The following ASAP3 variants were observed in gnomAD, a reference collection of about 807,000 sequenced individuals.
The protein encoded by ASAP3 is arf-GAP with SH3 domain, ANK repeat and PH domain-containing protein 3.
ASAP3 carries 85 observed loss-of-function variants against 118.2 expected under a neutral mutation model. The ratio of observed to expected loss-of-function variants is 0.72; its 90% CI spans 0.60 to 0.86. The LOEUF is 0.86. Ranked by LOEUF, ASAP3 falls within the 40% of genes least tolerant of loss-of-function variation. The probability of loss-of-function intolerance (pLI) is 0.00; values close to 1 mark genes in which losing one functional copy is unlikely to be tolerated. For missense variants in ASAP3, 1,026 were observed against 1,175.0 expected, an observed-to-expected ratio of 0.87 and a Z score of 1.85; for synonymous variants, 432 against 477.4, an observed-to-expected ratio of 0.90 and a Z score of 1.24.
rs1427117384 is a variant in ASAP3 at position 23,436,799 on chromosome 1, G to A, written c.1476+112C>T. 6.6e-7 allele frequency: 1 copy of A among 1,520,250 alleles called. No individual in the cohort carries two copies. Among genetic ancestry groups the A allele is most frequent in the Non-Finnish European group, 8.9e-7 (1 of 1,125,754 alleles). 94.2% of individuals were successfully genotyped at this position (1,520,250 alleles called of 1,614,324 possible). The stretch of plus-strand genomic sequence containing the variant: ...CCCCTGACCACCCGCTACCTGGCTT[G>A]TCCCAGCCCACCTCGGCCAGGTCCC... On this transcript the variant is annotated intron_variant, in intron 15 of 24. Coordinates refer to ENST00000336689, the MANE Select transcript of ASAP3 (RefSeq NM_017707.4). The surrounding 1 kb of genome is among the most constrained non-coding windows in gnomAD (Gnocchi z 4.2).
intron 3 of ASAP3, among the ~76,000 whole-genome samples, chr1:23,455,041 C>A (rs1426629066): frequency 2.6e-5 from 4 of 152,210 alleles, no homozygotes; most frequent in Non-Finnish European, 5.9e-5. Flanking sequence ...GGTCCAGTGC[C>A]ATGGAGCCTG....
intron 1 of ASAP3, among the ~76,000 whole-genome samples, chr1:23,464,691 A>G (rs1271203740): frequency 1.8e-5 from 2 of 113,930 alleles, no homozygotes; most frequent in Non-Finnish European, 3.8e-5. Flanking sequence ...AAAAAAAAAA[A>G]AAATCAGCTT....
chr1:23,444,999 T>C (rs1321934442), intron 5 of ASAP3, among the ~76,000 whole-genome samples: 2 of 151,238 alleles, frequency 1.3e-5, no homozygotes, highest in Admixed American at 6.6e-5. Context: ...GAGGGGGTTA[T>C]TTTTTATTTC....
At chr1:23,460,125 G>A (rs1416001153) in intron 1 of ASAP3, among the ~76,000 whole-genome samples, 1 of 152,144 alleles carries the variant, frequency 6.6e-6, no homozygotes, top group Non-Finnish European at 1.5e-5. Context: ...CAATAAAGTG[G>A]CTTTAAAAAA....
Position 23,433,498 on chromosome 1 carries a change from G to A in ASAP3, c.2054C>T (p.Pro685Leu), listed in dbSNP as rs1293453218. 1 of 1,614,220 alleles carries A rather than the reference G, an allele frequency of 6.2e-7. No homozygotes were observed. ...EQAQAGTFAFPLHVDYSWVIS... is the reference protein window; with the variant it reads ...EQAQAGTFAFLLHVDYSWVIS... ...TACCCAGGAGTAGTCCACATGTAGA[G>A]GGAAGGCAAAGGTCCCCGCCTGGGC... is the stretch of plus-strand genomic sequence containing the variant. The change falls in exon 21 of 25, where the codon CCT becomes CTT. Residue 685 changes from proline (P) to leucine (L), a missense_variant. Coordinates refer to ENST00000336689, the MANE Select transcript of ASAP3 (RefSeq NM_017707.4).
rs1640691008 is a variant in ASAP3, at chr1:23,437,029, C to T, written c.1358G>A (p.Ser453Asn). 2.5e-6 allele frequency: 4 copies of T among 1,611,378 alleles called. No homozygotes were observed. The highest frequency in any genetic ancestry group is 3.4e-6 in the Non-Finnish European group (4 of 1,179,252). ...GCAGGTGAGCACGCCCAGGTTGGTG[C>T]TGAGCCACGTGGGGTCTGCAGAGGA... ...DCGAADPTWL[S>N]TNLGVLTCIQ... is the part of the protein sequence containing the mutation. Residue 453 changes from serine (S) to asparagine (N), a missense_variant, in exon 15 of 25, where the codon AGC becomes AAC. Coordinates refer to ENST00000336689, the MANE Select transcript of ASAP3 (RefSeq NM_017707.4). The surrounding 1 kb of genome is among the most constrained non-coding windows in gnomAD (Gnocchi z 6.1).
intron 1 of ASAP3, among the ~76,000 whole-genome samples, chr1:23,462,501 A>G (rs10917383): frequency 0.79 from 119,972 of 151,400 alleles, 48,632 homozygotes; most frequent in Middle Eastern, 0.91. Context: ...AGCCGGGCAC[A>G]GTGGCTCACA....
In ASAP3 at chr1:23,437,492, C is replaced by A. The variant is rs1263032425; in HGVS notation, c.1103-20G>T. 6.2e-7 allele frequency: 1 copy of A among 1,613,820 alleles called. No individual in the cohort carries two copies. The highest frequency in any genetic ancestry group is 8.5e-7 in the Non-Finnish European group (1 of 1,179,846). On this transcript the variant is annotated intron_variant, in intron 12 of 24. Coordinates refer to ENST00000336689, the MANE Select transcript of ASAP3 (RefSeq NM_017707.4). The surrounding 1 kb of genome is among the most constrained non-coding windows in gnomAD (Gnocchi z 6.1). ...GGTTGTCTGTCGGGAGAGAAGGGGG[C>A]TTCTGACCCACAGAAATGCTGCTGG...
chr1:23,451,610 A>T, intron 4 of ASAP3, 82 bp from the exon 5 acceptor site: 3 of 1,474,990 alleles, frequency 2.0e-6, no homozygotes, highest in Non-Finnish European at 2.8e-6. Flanking sequence ...CTGTAGGAGG[A>T]CCTGCTAGTG....
intron 6 of ASAP3, 80 bp from the exon 7 acceptor site, chr1:23,442,351 G>A (rs763334187): frequency 6.4e-7 from 1 of 1,567,362 alleles, no homozygotes; most frequent in Non-Finnish European, 8.7e-7. Flanking sequence ...CCCCATCCCA[G>A]GCTAATCCTC....
chr1:23,469,592 C>A (rs1296459976), intron 1 of ASAP3, among the ~76,000 whole-genome samples: 3 of 152,166 alleles, frequency 2.0e-5, no homozygotes. Context: ...GAGCAGATCA[C>A]CCAACAGGAA....
intron 1 of ASAP3, among the ~76,000 whole-genome samples, chr1:23,461,055 G>T (rs1275332056): frequency 6.6e-6 from 1 of 152,210 alleles, no homozygotes; most frequent in Non-Finnish European, 1.5e-5. Context: ...AGGGATGGGG[G>T]TAGTGAGGAG....
chr1:23,469,302 T>A (rs1375157846), intron 1 of ASAP3, among the ~76,000 whole-genome samples: 1 of 152,012 alleles, frequency 6.6e-6, no homozygotes, highest in Non-Finnish European at 1.5e-5. Context: ...CGAGACCCTA[T>A]CTCAAAAATA....
intron 1 of ASAP3, among the ~76,000 whole-genome samples, chr1:23,459,042 C>T (rs968056116): frequency 6.6e-6 from 1 of 151,882 alleles, no homozygotes; most frequent in Admixed American, 6.6e-5. Flanking sequence ...TGGTGGTGCA[C>T]ACCTGTAATC....
At chr1:23,442,370 G>A (rs1027045378) in intron 6 of ASAP3, 99 bp from the exon 7 acceptor site, 22 of 1,571,018 alleles carry the variant, frequency 1.4e-5, no homozygotes, top group African/African-American at 9.5e-5. Context: ...TCCTGGCTGC[G>A]ACTGGGCCTT....
intron 1 of ASAP3, among the ~76,000 whole-genome samples, chr1:23,464,693 A>AAAAT (rs1641709140): frequency 9.3e-6 from 1 of 107,252 alleles, no homozygotes; most frequent in Non-Finnish European, 2.0e-5. Flanking sequence ...AAAAAAAAAA[A>AAAAT]ATCAGCTTCT....
chr1:23,467,016 C>T (rs201007544), intron 1 of ASAP3, among the ~76,000 whole-genome samples: 1 of 151,272 alleles, frequency 6.6e-6, no homozygotes, highest in Non-Finnish European at 1.5e-5. Flanking sequence ...TACAGGCATG[C>T]GCCACTGCAC....
chr1:23,484,176 C>T lies in ASAP3; in HGVS notation c.-43G>A, dbSNP rs377437701. 2.4e-6 allele frequency: 3 copies of T among 1,238,706 alleles called. No homozygotes were observed. The highest frequency in any genetic ancestry group is 3.0e-6 in the Non-Finnish European group (3 of 991,318). 76.7% of individuals were successfully genotyped at this position (1,238,706 alleles called of 1,614,324 possible). A position where few individuals can be genotyped will look rare whatever the true frequency, so the allele number is the denominator to read the frequency against. On this transcript the variant is annotated 5_prime_UTR_variant, in exon 1 of 25. Coordinates refer to ENST00000336689, the MANE Select transcript of ASAP3 (RefSeq NM_017707.4). ...AGCTGCCGGAGCGGGGCGCGGGGGG[C>T]ACTGAGCTGCTCCGCGCTGAGCCGG...
Position 23,484,027 on chromosome 1 carries a change from C to T in ASAP3, c.107G>A (p.Gly36Glu). ...CACCTCCTCCCGCGCCAGCGCCGCCCCTCGGTACCGGGGCATCTTGGCGGC... is the reference window on the plus strand; with the variant it reads ...CACCTCCTCCCGCGCCAGCGCCGCCTCTCGGTACCGGGGCATCTTGGCGGC... ...AFAAKMPRYR[G>E]AALAREEILE... Residue 36 changes from glycine (G) to glutamate (E), a missense_variant, in exon 1 of 25, where the codon GGG becomes GAG. Transcript: ENST00000336689. 1 of 1,309,174 alleles carries T rather than the reference C, an allele frequency of 7.6e-7. No individual in the cohort carries two copies. The highest frequency in any genetic ancestry group is 9.7e-7 in the Non-Finnish European group (1 of 1,031,752). 81.1% of individuals were successfully genotyped at this position (1,309,174 alleles called of 1,614,324 possible).
Sources: gnomAD v4.1 joint callset for allele counts (sites outside exome capture counted in the v4.1 genomes callset) on GRCh38, gnomAD v4.1.1 for gene constraint, Gnocchi (gnomAD v3.1) non-coding constraint, MANE v1.5 for transcripts, NCBI Gene and HGNC (gene_info 2026-07-23, HGNC 2026-07-21) for gene names.